Variants in UBE2E2 observed in about 807,000 individuals in gnomAD.
UBE2E2 encodes ubiquitin-conjugating enzyme E2 E2.
Under a neutral mutation model 24.7 loss-of-function variants are expected in UBE2E2, and 6 were observed. That is an observed-to-expected ratio of 0.24 (90% CI 0.13 to 0.48). UBE2E2 has a LOEUF of 0.48. Among genes scored for constraint, UBE2E2 ranks in the 20% least tolerant of loss-of-function variants. UBE2E2 has a pLI of 0.99. For missense variants in UBE2E2, 169 were observed against 245.0 expected, an observed-to-expected ratio of 0.69 and a Z score of 2.07; for synonymous variants, 104 against 83.6, an observed-to-expected ratio of 1.24 and a Z score of -1.33.
chr3:23,478,634 C>G (rs1328873268), intron 3 of UBE2E2, among the ~76,000 whole-genome samples: 2 of 150,138 alleles, frequency 1.3e-5, no homozygotes, highest in African/African-American at 5.1e-5. Flanking sequence ...CTGGTCTTTA[C>G]TAAAGTAGCA....
chr3:23,360,350 T>C (rs188982391), intron 3 of UBE2E2, among the ~76,000 whole-genome samples: 1 of 152,278 alleles, frequency 6.6e-6, no homozygotes, highest in African/African-American at 2.4e-5. Context: ...TTCCTTTGTG[T>C]AACAAAGATT....
chr3:23,456,019 G>A (rs1243088768), intron 3 of UBE2E2, among the ~76,000 whole-genome samples: 1 of 152,186 alleles, frequency 6.6e-6, no homozygotes, highest in East Asian at 1.9e-4. Flanking sequence ...TTTATCAACT[G>A]ATATTATGTA....
At chr3:23,531,608 G>A (rs569679599) in intron 4 of UBE2E2, among the ~76,000 whole-genome samples, 2 of 151,966 alleles carry the variant, frequency 1.3e-5, no homozygotes, top group Non-Finnish European at 2.9e-5. Flanking sequence ...CTAATATTAC[G>A]TTTTAAAAAT....
intron 3 of UBE2E2, among the ~76,000 whole-genome samples, chr3:23,291,656 A>G (rs1256743526): frequency 7.3e-6 from 1 of 136,116 alleles, no homozygotes; most frequent in Non-Finnish European, 1.6e-5. Flanking sequence ...AGGTTTTTGT[A>G]TTTATTAATT....
At chr3:23,577,326 G>A (rs995527711) in intron 5 of UBE2E2, among the ~76,000 whole-genome samples, 2 of 131,108 alleles carry the variant, frequency 1.5e-5, no homozygotes, top group African/African-American at 6.5e-5. Context: ...ACACAGGAAT[G>A]ATTTAAAAAA....
intron 4 of UBE2E2, among the ~76,000 whole-genome samples, chr3:23,507,848 T>C (rs1472209020): frequency 6.6e-6 from 1 of 152,226 alleles, no homozygotes; most frequent in Non-Finnish European, 1.5e-5. Context: ...AGAGATTTTG[T>C]GTGCCTTTCT....
chr3:23,310,206 G>A (rs1400922237), intron 3 of UBE2E2, among the ~76,000 whole-genome samples: 4 of 151,524 alleles, frequency 2.6e-5, no homozygotes, highest in Non-Finnish European at 5.9e-5. Flanking sequence ...ACGTTGGTAA[G>A]TTTATTATTG....
At chr3:23,346,458 T>A (rs1695560403) in intron 3 of UBE2E2, among the ~76,000 whole-genome samples, 1 of 152,186 alleles carries the variant, frequency 6.6e-6, no homozygotes, top group South Asian at 2.1e-4. Context: ...TATTTAGCTG[T>A]CAGAGGTCTG....
At chr3:23,260,500 ATAATC>A (rs938354809) in intron 3 of UBE2E2, among the ~76,000 whole-genome samples, 4 of 152,140 alleles carry the variant, frequency 2.6e-5, no homozygotes, top group African/African-American at 9.7e-5. Flanking sequence ...TATTGTCCCT[ATAATC>A]TAATTTCTAT....
chr3:23,458,422 TGG>T (rs1698729899), intron 3 of UBE2E2, among the ~76,000 whole-genome samples: 1 of 150,690 alleles, frequency 6.6e-6, no homozygotes, highest in African/African-American at 2.5e-5. Flanking sequence ...GTGGTGGTGG[TGG>T]TGGTTGTTGT....
chr3:23,297,615 A>G (rs116049133), intron 3 of UBE2E2, among the ~76,000 whole-genome samples: 4,287 of 149,332 alleles, frequency 0.029, 106 homozygotes, highest in East Asian at 0.13. Flanking sequence ...AGATCAGACA[A>G]TGAGGGCTCT....
chr3:23,350,130 T>C (rs967257355), intron 3 of UBE2E2, among the ~76,000 whole-genome samples: 1 of 152,248 alleles, frequency 6.6e-6, no homozygotes. Flanking sequence ...AAACAGGGTC[T>C]GGAGTGGACC....
intron 2 of UBE2E2, among the ~76,000 whole-genome samples, chr3:23,213,032 G>A (rs1253837280): frequency 6.6e-6 from 1 of 151,990 alleles, no homozygotes; most frequent in African/African-American, 2.4e-5. Flanking sequence ...TTTTCGCTAG[G>A]TGATTCAATT....
At chr3:23,473,847 T>G (rs1699074813) in intron 3 of UBE2E2, among the ~76,000 whole-genome samples, 1 of 152,114 alleles carries the variant, frequency 6.6e-6, no homozygotes, top group Non-Finnish European at 1.5e-5. Flanking sequence ...CAATTCCAAA[T>G]TGTGCAGCTA....
At position 23,539,654 on chromosome 3, in the gene UBE2E2, C is replaced by T. The variant is rs188786685; in HGVS notation, c.508+6953C>T. Among the ~76,000 whole-genome samples the T allele has an allele frequency of 1.1e-3, 169 of 152,222 alleles. 2 individuals are homozygous for T. Among genetic ancestry groups the T allele is most frequent in the African/African-American group, 3.9e-3 (161 of 41,526 alleles). On this transcript the variant is annotated intron_variant, in intron 5 of 5. Coordinates refer to ENST00000396703, the MANE Select transcript of UBE2E2 (RefSeq NM_152653.4). Reference sequence around the variant, plus strand: ...ATTTTTAAAGTAGGAAGGTAAATCCCTTAGAGTGGGAATCTGTGGTTCCTT... The same window carrying T: ...ATTTTTAAAGTAGGAAGGTAAATCCTTTAGAGTGGGAATCTGTGGTTCCTT...
intron 4 of UBE2E2, among the ~76,000 whole-genome samples, chr3:23,514,239 A>G (rs77108680): frequency 4.3e-4 from 66 of 152,280 alleles, no homozygotes; most frequent in East Asian, 3.9e-3. Flanking sequence ...TTTTCTGACC[A>G]CCTTCTATAA....
At chr3:23,466,816 C>T (rs979431991) in intron 3 of UBE2E2, among the ~76,000 whole-genome samples, 2 of 152,072 alleles carry the variant, frequency 1.3e-5, no homozygotes, top group Non-Finnish European at 2.9e-5. Flanking sequence ...ATCCACCCAC[C>T]TCAGCCTCCC....
chr3:23,572,827 A>G (rs1344017276), intron 5 of UBE2E2, among the ~76,000 whole-genome samples: 2 of 152,200 alleles, frequency 1.3e-5, no homozygotes, highest in East Asian at 3.8e-4. Context: ...GCTTTTGTGA[A>G]TAGCGCTGCA....
intron 3 of UBE2E2, among the ~76,000 whole-genome samples, chr3:23,257,528 CACTTT>C (rs1697768319): frequency 5.1e-4 from 6 of 11,788 alleles, no homozygotes; most frequent in Non-Finnish European, 7.0e-4. Flanking sequence ...CCCCCCCCCC[CACTTT>C]TTTTTTTTTT....
Sources: allele counts gnomAD v4.1 joint callset (sites outside exome capture counted in the v4.1 genomes callset), GRCh38; gene constraint gnomAD v4.1.1; transcripts MANE v1.5; gene names NCBI Gene and HGNC (gene_info 2026-07-23, HGNC 2026-07-21).